Variants in RAB11FIP4 observed in about 807,000 individuals in gnomAD.
RAB11FIP4 encodes the protein rab11 family-interacting protein 4.
Under a neutral mutation model 74.3 loss-of-function variants are expected in RAB11FIP4, and 23 were observed. The observed-to-expected ratio is 0.31, with a 90% CI of 0.22 to 0.44. The LOEUF is 0.44. RAB11FIP4 is among the 20% of genes least tolerant of loss of function. RAB11FIP4 has a pLI of 1.00. For missense variants in RAB11FIP4, 630 were observed against 863.9 expected (o/e 0.73, Z 3.39); for synonymous variants, 360 against 359.9 (o/e 1.00, Z 0.00).
intron 2 of RAB11FIP4, among the ~76,000 whole-genome samples, chr17:31,433,085 G>A (rs1392737525): frequency 2.0e-5 from 3 of 152,184 alleles, no homozygotes; most frequent in Non-Finnish European, 4.4e-5. Context: ...AGTTGAGGCT[G>A]CAGTGAGCTG....
intron 2 of RAB11FIP4, 108 bp from the exon 3 acceptor site, chr17:31,433,926 C>A (rs2151628510): frequency 9.2e-7 from 1 of 1,086,738 alleles, no homozygotes; most frequent in Non-Finnish European, 1.3e-6. Context: ...GAGCCTCGGG[C>A]CCCCACCTCA....
intron 3 of RAB11FIP4, chr17:31,488,348 G>A: frequency 2.9e-6 from 3 of 1,021,958 alleles, no homozygotes; most frequent in Non-Finnish European, 2.3e-6. Context: ...CCGCGGCCCC[G>A]GGAAGTTGGC....
intron 3 of RAB11FIP4, among the ~76,000 whole-genome samples, chr17:31,480,001 C>G (rs2071830791): frequency 6.6e-6 from 1 of 152,158 alleles, no homozygotes; most frequent in African/African-American, 2.4e-5. Flanking sequence ...GACTTTTTCT[C>G]TTCTAACGCA....
intron 1 of RAB11FIP4, among the ~76,000 whole-genome samples, chr17:31,415,278 C>G (rs1320624186): frequency 4.6e-5 from 7 of 152,162 alleles, no homozygotes; most frequent in African/African-American, 1.7e-4. Flanking sequence ...GGGCGCTCTA[C>G]GTGGACAAAG....
At chr17:31,462,282 A>G (rs113815160) in intron 3 of RAB11FIP4, among the ~76,000 whole-genome samples, 1 of 109,274 alleles carries the variant, frequency 9.2e-6, no homozygotes, top group Non-Finnish European at 1.5e-5. Context: ...AACAAAAAAC[A>G]AAAAAAAAAA....
At chr17:31,526,571 G>A (rs2072770734) in intron 10 of RAB11FIP4, 2 of 152,258 alleles carry the variant, frequency 1.3e-5, no homozygotes, top group Admixed American at 1.3e-4. Flanking sequence ...TGCTCTGCAG[G>A]AGTCACTGCC....
rs540174596 is a variant in RAB11FIP4 at position 31,403,962 on chromosome 17, G to A, written c.159+11951G>A. On this transcript the variant is annotated intron_variant, in intron 1 of 14. Coordinates refer to ENST00000621161, the MANE Select transcript of RAB11FIP4 (RefSeq NM_032932.6). ...CTGGGCTCTGCAGGATGGGCGGCCA[G>A]GGGCCCTCTCATGGGCACTGCATCC... 1.5e-4 allele frequency among the ~76,000 whole-genome samples: 23 copies of A among 152,332 alleles called. 1 individual carries two copies. In the South Asian group the frequency reaches 4.8e-3, roughly 32 times the overall value.
intron 3 of RAB11FIP4, among the ~76,000 whole-genome samples, chr17:31,505,633 A>ATAATAT (rs1567681531): frequency 4.2e-5 from 3 of 70,804 alleles, no homozygotes; most frequent in African/African-American, 1.4e-4. Flanking sequence ...ATAATTATAT[A>ATAATAT]ATAATAATTA....
chr17:31,484,071 CTTTTTTTTT>C (rs530656307), intron 3 of RAB11FIP4, among the ~76,000 whole-genome samples: 9 of 115,854 alleles, frequency 7.8e-5, no homozygotes, highest in African/African-American at 2.7e-4. Context: ...AAGATCTTAT[CTTTTTTTTT>C]TTTTTTTTTT....
chr17:31,528,343 C>A, intron 11 of RAB11FIP4, 63 bp from the exon 12 acceptor site: 2 of 1,570,836 alleles, frequency 1.3e-6, no homozygotes, highest in Non-Finnish European at 1.7e-6. Context: ...CCAGGGACAC[C>A]CCTGGACATA....
intron 1 of RAB11FIP4, among the ~76,000 whole-genome samples, chr17:31,413,195 G>A (rs889314674): frequency 6.6e-6 from 1 of 152,166 alleles, no homozygotes; most frequent in African/African-American, 2.4e-5. Context: ...TGTTTCGGAT[G>A]GGGCGGGATA....
chr17:31,510,438 G>A (rs146898263), intron 3 of RAB11FIP4, among the ~76,000 whole-genome samples: 3 of 152,362 alleles, frequency 2.0e-5, no homozygotes, highest in African/African-American at 7.2e-5. Context: ...AAGTGGGCAT[G>A]TGCCCGCCCA....
chr17:31,453,381 C>CAAAAAAA (rs1567661112), intron 3 of RAB11FIP4, among the ~76,000 whole-genome samples: 1 of 85,826 alleles, frequency 1.2e-5, no homozygotes, highest in African/African-American at 4.7e-5. Context: ...AAAAAAAAAA[C>CAAAAAAA]AAACCTGGGG....
intron 3 of RAB11FIP4, among the ~76,000 whole-genome samples, chr17:31,465,203 G>C (rs2071672959): frequency 6.6e-6 from 1 of 152,100 alleles, no homozygotes; most frequent in African/African-American, 2.4e-5. Context: ...GGTTCTCCAG[G>C]CTCCAGGTCT....
chr17:31,437,164 G>T (rs1017856382), intron 3 of RAB11FIP4, among the ~76,000 whole-genome samples: 3 of 152,112 alleles, frequency 2.0e-5, no homozygotes, highest in Non-Finnish European at 2.9e-5. Context: ...TGGACACAGT[G>T]GCAGCCTTGT....
chr17:31,457,191 T>C (rs1275013508), intron 3 of RAB11FIP4, among the ~76,000 whole-genome samples: 1 of 152,036 alleles, frequency 6.6e-6, no homozygotes, highest in Non-Finnish European at 1.5e-5. Context: ...GAATGGGAAT[T>C]TGGAGGGCCT....
At chr17:31,486,906 A>G (rs935606986) in intron 3 of RAB11FIP4, among the ~76,000 whole-genome samples, 2 of 152,162 alleles carry the variant, frequency 1.3e-5, no homozygotes, top group Non-Finnish European at 2.9e-5. Flanking sequence ...CTGGCAGGAG[A>G]GACTGAGAAG....
At chr17:31,503,614 G>A (rs1325254537) in intron 3 of RAB11FIP4, among the ~76,000 whole-genome samples, 2 of 149,640 alleles carry the variant, frequency 1.3e-5, no homozygotes, top group Non-Finnish European at 2.9e-5. Flanking sequence ...AACATTTCTA[G>A]GACTGTTATG....
chr17:31,521,651 G>A (rs2072668345), intron 5 of RAB11FIP4, among the ~76,000 whole-genome samples: 1 of 152,120 alleles, frequency 6.6e-6, no homozygotes, highest in Non-Finnish European at 1.5e-5. Flanking sequence ...TGACCCCTGT[G>A]ATCCCTTCTC....
Sources: allele counts gnomAD v4.1 joint callset (sites outside exome capture counted in the v4.1 genomes callset), GRCh38; gene constraint gnomAD v4.1.1; transcripts MANE v1.5; gene names NCBI Gene and HGNC (gene_info 2026-07-23, HGNC 2026-07-21).